Variants in STON2 observed in about 807,000 individuals in gnomAD.
STON2 encodes the protein stonin-2.
A neutral mutation model predicts 65.7 loss-of-function variants in STON2; 29 were observed. The ratio of observed to expected loss-of-function variants is 0.44; its 90% CI spans 0.33 to 0.60. The LOEUF is 0.60. Ranked by LOEUF, STON2 falls within the 20% of genes least tolerant of loss-of-function variation. The pLI, the probability that STON2 is intolerant of heterozygous loss-of-function variation, is 0.03. For synonymous variants in STON2, 404 were observed against 414.2 expected, an observed-to-expected ratio of 0.98 and a Z score of 0.30; for missense variants, 1,054 against 1,118.1, an observed-to-expected ratio of 0.94 and a Z score of 0.82.
intron 2 of STON2, among the ~76,000 whole-genome samples, chr14:81,411,764 G>T (rs1901172646): frequency 6.6e-6 from 1 of 152,160 alleles, no homozygotes. Context: ...AAATGACACA[G>T]ATATAGACCC....
At chr14:81,344,726 A>G (rs967300765) in intron 4 of STON2, among the ~76,000 whole-genome samples, 3 of 152,230 alleles carry the variant, frequency 2.0e-5, no homozygotes, top group Admixed American at 1.3e-4. Context: ...TCTCGCATGC[A>G]AATTCCCAAT....
Position 81,414,123 on chromosome 14 carries a change from G to A in STON2, c.-199+12979C>T, listed in dbSNP as rs918215403. ...GGGAGGACAAGGAATTCTGGTGGAGGACATGGTGGGTGATAGTCCCACTGA... is the reference window on the plus strand; with the variant it reads ...GGGAGGACAAGGAATTCTGGTGGAGAACATGGTGGGTGATAGTCCCACTGA... On this transcript the variant is annotated intron_variant, in intron 2 of 8. Coordinates refer to the STON2 transcript ENST00000553821. 4.3e-5 allele frequency among the ~76,000 whole-genome samples: 6 copies of A among 139,312 alleles called. 1 individual carries two copies. The highest frequency in any genetic ancestry group is 6.0e-5 in the Non-Finnish European group (4 of 66,836). 91.4% of individuals were successfully genotyped at this position (139,312 alleles called of 152,430 possible).
intron 5 of STON2, among the ~76,000 whole-genome samples, chr14:81,294,379 C>G (rs1856685142): frequency 6.6e-6 from 1 of 152,154 alleles, no homozygotes; most frequent in South Asian, 2.1e-4. Flanking sequence ...GGGAAGCAGA[C>G]AGGACTTAAC....
At chr14:81,341,234 T>C (rs1187758928) in intron 4 of STON2, among the ~76,000 whole-genome samples, 1 of 152,144 alleles carries the variant, frequency 6.6e-6, no homozygotes, top group Non-Finnish European at 1.5e-5. Context: ...TGACTTTTGT[T>C]CCAAGTCAGA....
Position 81,371,105 on chromosome 14 carries a change from A to G in STON2, c.454T>C (p.Trp152Arg), listed in dbSNP as rs1268510507. ...GRCPLTSESS[W>R]TTHSEDTSSP... ...CTGGTGTCTTCAGAATGGGTGGTCC[A>G]GCTGCTCTCAGAAGTCAGAGGGCAT... is the stretch of plus-strand genomic sequence containing the variant. The change falls in exon 4 of 8, where the codon TGG (tryptophan) becomes CGG (arginine). Residue 152 changes from tryptophan (W) to arginine (R), a missense_variant. Transcript: ENST00000614646. The G allele has an allele frequency of 2.5e-6, 4 of 1,614,164 alleles. No individual in the cohort carries two copies. Among genetic ancestry groups the G allele is most frequent in the Non-Finnish European group, 3.4e-6 (4 of 1,180,006 alleles).
At chr14:81,313,610 C>T (rs554280983) in intron 5 of STON2, among the ~76,000 whole-genome samples, 1 of 152,022 alleles carries the variant, frequency 6.6e-6, no homozygotes, top group Non-Finnish European at 1.5e-5. Flanking sequence ...GCCTGGCCAA[C>T]ATAGTGAAGC....
intron 3 of STON2, 132 bp downstream of exon 3, chr14:81,395,762 C>T (rs1595439437): frequency 3.4e-6 from 3 of 872,474 alleles, no homozygotes; most frequent in Non-Finnish European, 5.5e-6. Flanking sequence ...ACTCCGTCTG[C>T]TCTCCCCTAT....
intron 1 of STON2, among the ~76,000 whole-genome samples, chr14:81,429,796 G>GT (rs1487204556): frequency 6.6e-6 from 1 of 152,052 alleles, no homozygotes; most frequent in African/African-American, 2.4e-5. Context: ...TCAGCTGGGC[G>GT]TGATGGTGGG....
At chr14:81,336,293 A>T (rs1356432398) in intron 4 of STON2, among the ~76,000 whole-genome samples, 1 of 152,098 alleles carries the variant, frequency 6.6e-6, no homozygotes, top group Non-Finnish European at 1.5e-5. Flanking sequence ...TGAAGCGGTT[A>T]GGTAGGGTGG....
upstream of STON2, among the ~76,000 whole-genome samples, chr14:81,403,550 C>T (rs568433657): frequency 4.4e-4 from 67 of 152,126 alleles, no homozygotes; most frequent in African/African-American, 1.6e-3. Flanking sequence ...GAGTGGCATG[C>T]GAACAATGGA....
intron 5 of STON2, among the ~76,000 whole-genome samples, chr14:81,303,704 C>A (rs1471279865): frequency 6.6e-6 from 1 of 152,170 alleles, no homozygotes; most frequent in African/African-American, 2.4e-5. Context: ...ATTTTGCCTT[C>A]ATTAACCCTA....
At chr14:81,378,892 G>GT (rs1328171062) in intron 3 of STON2, among the ~76,000 whole-genome samples, 1 of 152,118 alleles carries the variant, frequency 6.6e-6, no homozygotes, top group East Asian at 1.9e-4. Flanking sequence ...ATTCATGGTA[G>GT]TAATTTTTAG....
chr14:81,336,430 T>G (rs1353209863), intron 4 of STON2, among the ~76,000 whole-genome samples: 1 of 151,970 alleles, frequency 6.6e-6, no homozygotes, highest in African/African-American at 2.4e-5. Flanking sequence ...TCTACTCCAG[T>G]GCTTACTCCA....
At chr14:81,332,193 C>T (rs945751664) in intron 4 of STON2, among the ~76,000 whole-genome samples, 6 of 152,146 alleles carry the variant, frequency 3.9e-5, no homozygotes, top group African/African-American at 9.7e-5. Flanking sequence ...GGGCACTTTT[C>T]GGGCCAGATC....
At chr14:81,271,364 T>C (rs917231930) in intron 6 of STON2, among the ~76,000 whole-genome samples, 3 of 152,202 alleles carry the variant, frequency 2.0e-5, no homozygotes, top group Non-Finnish European at 4.4e-5. Flanking sequence ...GTAAATGATA[T>C]ATGTAAATGA....
intron 5 of STON2, among the ~76,000 whole-genome samples, chr14:81,323,312 C>G (rs1373918322): frequency 6.6e-6 from 1 of 152,200 alleles, no homozygotes; most frequent in Non-Finnish European, 1.5e-5. Flanking sequence ...TGCACAAAAC[C>G]TGCTTCCCAG....
At chr14:81,410,207 G>GA (rs1027393743) in intron 2 of STON2, among the ~76,000 whole-genome samples, 4 of 122,090 alleles carry the variant, frequency 3.3e-5, no homozygotes, top group African/African-American at 9.5e-5. Context: ...TTTTTTATGT[G>GA]AAAAAATATA....
At chr14:81,372,159 A>T (rs1001757527) in intron 3 of STON2, among the ~76,000 whole-genome samples, 1 of 152,182 alleles carries the variant, frequency 6.6e-6, no homozygotes, top group African/African-American at 2.4e-5. Flanking sequence ...CTACTTTAGA[A>T]AGGTTTTTTA....
rs761647669 is a variant in STON2 at position 81,398,444 on chromosome 14, G to A, written c.-62C>T. On this transcript the variant is annotated 5_prime_UTR_variant, in exon 2 of 8. Coordinates refer to ENST00000614646, the MANE Select transcript of STON2 (RefSeq NM_001394390.1). Reference sequence around the variant, plus strand: ...TCAGGTGAACCCCAGAATACTGTCTGGGGTGGGCTGGAGTAGGGGTATGGT... The same window carrying A: ...TCAGGTGAACCCCAGAATACTGTCTAGGGTGGGCTGGAGTAGGGGTATGGT... 10 of 1,390,540 alleles carry A rather than the reference G, an allele frequency of 7.2e-6. No individual in the cohort carries two copies. In the African/African-American group the frequency reaches 1.1e-4, roughly 16 times the overall value. The allele number at this position is 1,390,540 out of a possible 1,614,324, so 86.1% of individuals were successfully genotyped here. A position where few individuals can be genotyped will look rare whatever the true frequency, so the allele number is the denominator to read the frequency against.
Sources: gnomAD v4.1 joint callset for allele counts (sites outside exome capture counted in the v4.1 genomes callset) on GRCh38, gnomAD v4.1.1 for gene constraint, MANE v1.5 for transcripts, NCBI Gene and HGNC (gene_info 2026-07-23, HGNC 2026-07-21) for gene names.